The following HCN1 variants were observed in gnomAD, a reference collection of about 807,000 sequenced individuals.
HCN1 encodes hyperpolarization activated cyclic nucleotide gated potassium channel 1.
A neutral mutation model predicts 78.9 loss-of-function variants in HCN1; 13 were observed. The observed-to-expected ratio is 0.16, with a 90% CI of 0.11 to 0.26. The LOEUF (loss-of-function observed/expected upper bound fraction) is 0.26, where lower values mean the gene tolerates loss of function less well. HCN1 is among the 10% of genes least tolerant of loss of function. The pLI is 1.00. For synonymous variants in HCN1, 552 were observed against 455.5 expected, an observed-to-expected ratio of 1.21 and a Z score of -2.70; for missense variants, 810 against 1,154.3, an observed-to-expected ratio of 0.70 and a Z score of 4.32.
intron 3 of HCN1, among the ~76,000 whole-genome samples, chr5:45,449,905 T>C (rs1409912372): frequency 6.6e-6 from 1 of 152,170 alleles, no homozygotes; most frequent in African/African-American, 2.4e-5. Context: ...TGATCTCGGC[T>C]CACTGCAAGC....
chr5:45,456,011 C>T (rs1223596514), intron 3 of HCN1, among the ~76,000 whole-genome samples: 1 of 151,832 alleles, frequency 6.6e-6, no homozygotes, highest in Non-Finnish European at 1.5e-5. Context: ...AGTGGAATCC[C>T]TTATTCTCTC....
intron 4 of HCN1, among the ~76,000 whole-genome samples, chr5:45,374,113 C>G (rs1210684911): frequency 1.2e-5 from 1 of 83,928 alleles, no homozygotes. Flanking sequence ...ATATTATATA[C>G]ATAATATATA....
chr5:45,454,621 A>T (rs1331176567), intron 3 of HCN1, among the ~76,000 whole-genome samples: 1 of 152,124 alleles, frequency 6.6e-6, no homozygotes, highest in East Asian at 1.9e-4. Flanking sequence ...CTGAATCTCA[A>T]GAGAGGGGAA....
At chr5:45,692,348 A>C (rs1739930170) in intron 1 of HCN1, among the ~76,000 whole-genome samples, 1 of 152,206 alleles carries the variant, frequency 6.6e-6, no homozygotes, top group African/African-American at 2.4e-5. Flanking sequence ...TAACCTCCAA[A>C]TTAAATGTGT....
At chr5:45,439,163 T>G (rs2112084565) in intron 3 of HCN1, among the ~76,000 whole-genome samples, 1 of 152,276 alleles carries the variant, frequency 6.6e-6, no homozygotes. Flanking sequence ...CTTGTTTATT[T>G]TCAAGTACCA....
intron 4 of HCN1, among the ~76,000 whole-genome samples, chr5:45,376,103 T>C (rs1396752087): frequency 1.8e-5 from 2 of 110,806 alleles, no homozygotes; most frequent in Non-Finnish European, 3.3e-5. Context: ...TATAATATAA[T>C]GTTTTATAAT....
At chr5:45,372,598 A>G (rs1295157217) in intron 4 of HCN1, among the ~76,000 whole-genome samples, 1 of 123,448 alleles carries the variant, frequency 8.1e-6, no homozygotes, top group Non-Finnish European at 1.6e-5. Flanking sequence ...TACATATAAA[A>G]ATATATAAAA....
At chr5:45,285,276 G>A (rs1745245446) in intron 6 of HCN1, among the ~76,000 whole-genome samples, 1 of 151,926 alleles carries the variant, frequency 6.6e-6, no homozygotes, top group Admixed American at 6.6e-5. Context: ...GGCACAAGTG[G>A]GCCAATGCAC....
rs79654327 is a variant in HCN1, at chr5:45,593,076, T to C, written c.849+52109A>G. 4.5e-3 allele frequency among the ~76,000 whole-genome samples: 689 copies of C among 152,332 alleles called. 6 individuals carry two copies. Among genetic ancestry groups the C allele is most frequent in the African/African-American group, 0.016 (669 of 41,576 alleles). Reference sequence around the variant, plus strand: ...CCAAAAGGATAACTAATTTGGAAATTACAAATCCCTTCCTCTCTAAATCAT... The same window carrying C: ...CCAAAAGGATAACTAATTTGGAAATCACAAATCCCTTCCTCTCTAAATCAT... On this transcript the variant is annotated intron_variant, in intron 2 of 7. Coordinates refer to ENST00000303230, the MANE Select transcript of HCN1 (RefSeq NM_021072.4).
intron 2 of HCN1, chr5:45,643,754 T>C (rs1246699768): frequency 1.3e-5 from 2 of 152,150 alleles, no homozygotes; most frequent in Non-Finnish European, 2.9e-5. Flanking sequence ...TGAGCTAATA[T>C]ATGTAAAGAA....
At chr5:45,452,574 T>C (rs1365089457) in intron 3 of HCN1, among the ~76,000 whole-genome samples, 5 of 151,778 alleles carry the variant, frequency 3.3e-5, no homozygotes, top group Non-Finnish European at 7.4e-5. Context: ...CACCCTCAAG[T>C]AGGCCTCACT....
chr5:45,305,407 A>G (rs1393585584), intron 5 of HCN1, among the ~76,000 whole-genome samples: 1 of 152,152 alleles, frequency 6.6e-6, no homozygotes, highest in Non-Finnish European at 1.5e-5. Flanking sequence ...AGCTTCATGG[A>G]AGATGAGAAA....
intron 2 of HCN1, among the ~76,000 whole-genome samples, chr5:45,465,555 G>A (rs1401184399): frequency 2.6e-5 from 4 of 152,036 alleles, no homozygotes; most frequent in Admixed American, 2.0e-4. Context: ...AGGAGTTCGA[G>A]ACCAGCCTGG....
At chr5:45,679,915 T>A (rs754481853) in intron 1 of HCN1, among the ~76,000 whole-genome samples, 2 of 152,044 alleles carry the variant, frequency 1.3e-5, no homozygotes, top group African/African-American at 2.4e-5. Flanking sequence ...TGAGCTCTCA[T>A]AATTAGGGCT....
intron 5 of HCN1, among the ~76,000 whole-genome samples, chr5:45,336,102 T>A (rs950968760): frequency 6.6e-6 from 1 of 151,730 alleles, no homozygotes; most frequent in Admixed American, 6.6e-5. Context: ...AATAAGAGCA[T>A]GTTAAGTGGA....
chr5:45,492,306 G>GTT, intron 2 of HCN1, among the ~76,000 whole-genome samples: 1 of 150,214 alleles, frequency 6.7e-6, no homozygotes, highest in Non-Finnish European at 1.5e-5. Flanking sequence ...ATGTGTGTGT[G>GTT]TGTGTGTGTG....
chr5:45,427,858 CAG>C (rs1367871663), intron 3 of HCN1, among the ~76,000 whole-genome samples: 1 of 152,026 alleles, frequency 6.6e-6, no homozygotes, highest in Non-Finnish European at 1.5e-5. Flanking sequence ...GCTCTGAAAA[CAG>C]ATCCTGCTTT....
chr5:45,670,220 GAAAC>G (rs970434573), intron 1 of HCN1, among the ~76,000 whole-genome samples: 29 of 151,570 alleles, frequency 1.9e-4, no homozygotes, highest in African/African-American at 4.1e-4. Flanking sequence ...GGAACAAAGT[GAAAC>G]AAACAAACAA....
intron 2 of HCN1, among the ~76,000 whole-genome samples, chr5:45,536,032 A>C (rs2111814587): frequency 6.6e-6 from 1 of 152,212 alleles, no homozygotes; most frequent in East Asian, 1.9e-4. Context: ...CCATCCCTTT[A>C]ACTTTAAAGA....
Sources: allele counts gnomAD v4.1 joint callset (sites outside exome capture counted in the v4.1 genomes callset), GRCh38; gene constraint gnomAD v4.1.1; transcripts MANE v1.5; gene names NCBI Gene and HGNC (gene_info 2026-07-23, HGNC 2026-07-21).